FRMD4A: variants seen among roughly 807,000 people sequenced by gnomAD.
The protein encoded by FRMD4A is FERM domain containing 4A.
A neutral mutation model predicts 129.1 loss-of-function variants in FRMD4A; 29 were observed. That is an observed-to-expected ratio of 0.22 (90% CI 0.17 to 0.31). The LOEUF (loss-of-function observed/expected upper bound fraction) is 0.31. Ranked by LOEUF, FRMD4A falls within the 10% of genes least tolerant of loss-of-function variation. The probability of loss-of-function intolerance (pLI) is 1.00; values close to 1 mark genes in which losing one functional copy is unlikely to be tolerated. For synonymous variants in FRMD4A, 634 were observed against 571.6 expected (o/e 1.11, Z -1.56); for missense variants, 1,272 against 1,375.8 (o/e 0.92, Z 1.19).
chr10:13,687,865 A>G (rs1056237737), intron 15 of FRMD4A, among the ~76,000 whole-genome samples: 9 of 152,208 alleles, frequency 5.9e-5, no homozygotes, highest in Non-Finnish European at 1.0e-4. Context: ...TCAGTGCTGC[A>G]TGGGGAGGTG....
intron 2 of FRMD4A, among the ~76,000 whole-genome samples, chr10:14,084,113 AT>A (rs1472278781): frequency 3.3e-5 from 5 of 152,184 alleles, no homozygotes; most frequent in African/African-American, 1.2e-4. Context: ...TTGTGGCATC[AT>A]GGGGGAAAGT....
chr10:13,892,875 C>A (rs563974215), intron 2 of FRMD4A, among the ~76,000 whole-genome samples: 1 of 152,276 alleles, frequency 6.6e-6, no homozygotes, highest in East Asian at 1.9e-4. Flanking sequence ...GAAAATTATA[C>A]CTTTTTCCAG....
At chr10:13,807,883 C>CT (rs140512502) in intron 4 of FRMD4A, among the ~76,000 whole-genome samples, 9,434 of 151,094 alleles carry the variant, frequency 0.062, 482 homozygotes, top group East Asian at 0.19. Flanking sequence ...ACTGCAAACT[C>CT]TGCCTCCCGG....
chr10:13,758,977 G>A (rs2091964541), intron 8 of FRMD4A, among the ~76,000 whole-genome samples: 1 of 152,128 alleles, frequency 6.6e-6, no homozygotes, highest in Non-Finnish European at 1.5e-5. Flanking sequence ...CAGATGGGAA[G>A]GAATTTGGAA....
At chr10:14,198,634 A>C (rs1842541586) in intron 2 of FRMD4A, among the ~76,000 whole-genome samples, 1 of 152,132 alleles carries the variant, frequency 6.6e-6, no homozygotes, top group African/African-American at 2.4e-5. Flanking sequence ...CTCTTATCAC[A>C]GATATGTTTT....
chr10:14,023,078 C>A lies in FRMD4A; in HGVS notation c.46-164166G>T, dbSNP rs140381197. Among the ~76,000 whole-genome samples the A allele has an allele frequency of 5.9e-3, 901 of 152,200 alleles. 9 individuals carry two copies. Among genetic ancestry groups the A allele is most frequent in the South Asian group, 0.043 (205 of 4,802 alleles). On this transcript the variant is annotated intron_variant, in intron 2 of 24. Coordinates refer to ENST00000357447, the MANE Select transcript of FRMD4A (RefSeq NM_018027.5). ...GCAGAGGAAGTGGTCCAAGAAACCT[C>A]CCTGTCTGCAGTTCAGTTTCTACTC...
intron 2 of FRMD4A, among the ~76,000 whole-genome samples, chr10:14,306,479 C>A (rs1055224001): frequency 6.6e-6 from 1 of 152,194 alleles, no homozygotes; most frequent in African/African-American, 2.4e-5. Flanking sequence ...TGAGATGACA[C>A]AGAATCTTTT....
chr10:14,162,056 CTAATA>C (rs1023095919), intron 2 of FRMD4A, among the ~76,000 whole-genome samples: 2 of 150,774 alleles, frequency 1.3e-5, no homozygotes, highest in South Asian at 2.1e-4. Flanking sequence ...ACAAATAAAT[CTAATA>C]TATTTTCATG....
intron 2 of FRMD4A, among the ~76,000 whole-genome samples, chr10:13,900,014 G>T (rs1191292127): frequency 6.6e-5 from 10 of 152,288 alleles, no homozygotes; most frequent in African/African-American, 2.4e-4. Flanking sequence ...TCAAGCAGGT[G>T]TTAAAAATGC....
intron 2 of FRMD4A, among the ~76,000 whole-genome samples, chr10:14,108,264 A>G (rs1334779987): frequency 6.6e-6 from 1 of 152,206 alleles, no homozygotes; most frequent in African/African-American, 2.4e-5. Flanking sequence ...ACAACTCATA[A>G]GCTATGCATC....
At chr10:14,133,386 C>A (rs1378582944) in intron 2 of FRMD4A, among the ~76,000 whole-genome samples, 1 of 152,170 alleles carries the variant, frequency 6.6e-6, no homozygotes, top group East Asian at 1.9e-4. Context: ...TTTACACCAA[C>A]CTAATAGTCA....
intron 2 of FRMD4A, among the ~76,000 whole-genome samples, chr10:14,258,267 TCA>T (rs1476994200): frequency 6.6e-6 from 1 of 150,376 alleles, no homozygotes; most frequent in East Asian, 1.9e-4. Context: ...AAAAGGCAAG[TCA>T]CAGACTGGGA....
intron 12 of FRMD4A, chr10:13,707,472 A>G: frequency 9.8e-7 from 1 of 1,021,292 alleles, no homozygotes; most frequent in Non-Finnish European, 1.2e-6. Flanking sequence ...GACCGGGGAG[A>G]GGGACCCAGC....
At chr10:14,037,817 T>C (rs1158132312) in intron 2 of FRMD4A, among the ~76,000 whole-genome samples, 3 of 152,202 alleles carry the variant, frequency 2.0e-5, no homozygotes, top group African/African-American at 7.2e-5. Flanking sequence ...GGGTAAAAAA[T>C]GGCATCTCAT....
intron 14 of FRMD4A, among the ~76,000 whole-genome samples, chr10:13,697,865 A>C (rs1485678780): frequency 6.6e-6 from 1 of 152,184 alleles, no homozygotes; most frequent in African/African-American, 2.4e-5. Flanking sequence ...ATTTTCCTGC[A>C]AAGTCTCTAA....
At chr10:13,705,302 A>G (rs966053529) in intron 13 of FRMD4A, among the ~76,000 whole-genome samples, 3 of 152,206 alleles carry the variant, frequency 2.0e-5, no homozygotes, top group African/African-American at 4.8e-5. Flanking sequence ...TTTGGTAAAG[A>G]GAGTTTAGCA....
chr10:14,011,810 A>G (rs1588766028), intron 2 of FRMD4A, among the ~76,000 whole-genome samples: 1 of 152,118 alleles, frequency 6.6e-6, no homozygotes, highest in South Asian at 2.1e-4. Context: ...GGAGTTCAAG[A>G]CCAGCCTGGC....
At chr10:13,818,641 A>G (rs2093583621) in intron 3 of FRMD4A, among the ~76,000 whole-genome samples, 1 of 152,184 alleles carries the variant, frequency 6.6e-6, no homozygotes. Context: ...AATTTCAGGT[A>G]AGTTACTAAA....
intron 3 of FRMD4A, among the ~76,000 whole-genome samples, chr10:13,841,440 A>G (rs778823815): frequency 6.6e-5 from 10 of 152,194 alleles, no homozygotes; most frequent in Non-Finnish European, 1.2e-4. Context: ...CAAACATGTG[A>G]TTTGAGCCAT....
Sources: allele counts gnomAD v4.1 joint callset (sites outside exome capture counted in the v4.1 genomes callset), GRCh38; gene constraint gnomAD v4.1.1; transcripts MANE v1.5; gene names NCBI Gene and HGNC (gene_info 2026-07-23, HGNC 2026-07-21).